The following IP6K3 variants were observed in gnomAD, a reference collection of about 807,000 sequenced individuals.
IP6K3 encodes inositol hexakisphosphate kinase 3, also known as ATP:1D-myo-inositol-hexakisphosphate phosphotransferase.
Under a neutral mutation model 28.8 loss-of-function variants are expected in IP6K3, and 20 were observed. That is an observed-to-expected ratio of 0.70 (90% CI 0.49 to 1.01). The LOEUF is 1.01. Among genes scored for constraint, IP6K3 ranks in the 50% least tolerant of loss-of-function variants. The probability of loss-of-function intolerance (pLI) is 0.00; values close to 1 mark genes in which losing one functional copy is unlikely to be tolerated. For missense variants in IP6K3, 480 were observed against 537.1 expected, an observed-to-expected ratio of 0.89 and a Z score of 1.05; for synonymous variants, 213 against 221.3, an observed-to-expected ratio of 0.96 and a Z score of 0.33.
chr6:33,753,164 T>C, the IP6K3 span, among the ~76,000 whole-genome samples: 1 of 152,168 alleles, frequency 6.6e-6, no homozygotes, highest in Non-Finnish European at 1.5e-5. Context: ...GAGATCTTCC[T>C]GCCCTGGCCT....
the IP6K3 span, among the ~76,000 whole-genome samples, chr6:33,752,214 A>G: frequency 6.6e-3 from 1,007 of 152,336 alleles, 11 homozygotes; most frequent in Non-Finnish European, 0.011. Context: ...TTGTCCCACA[A>G]ACAATCTGTG....
the IP6K3 span, among the ~76,000 whole-genome samples, chr6:33,755,593 G>A: frequency 6.6e-6 from 1 of 152,272 alleles, no homozygotes; most frequent in Non-Finnish European, 1.5e-5. Flanking sequence ...GTGGGGTCCT[G>A]TGTTTTGTGT....
the IP6K3 span, among the ~76,000 whole-genome samples, chr6:33,760,069 T>C: frequency 3.9e-5 from 6 of 152,180 alleles, no homozygotes; most frequent in Non-Finnish European, 8.8e-5. Flanking sequence ...CAGATGCCGA[T>C]GTGAAAAACT....
At chr6:33,733,043 C>T (rs1766372524) in intron 2 of IP6K3, among the ~76,000 whole-genome samples, 1 of 152,238 alleles carries the variant, frequency 6.6e-6, no homozygotes, top group Non-Finnish European at 1.5e-5. Flanking sequence ...ATTTCTGCTT[C>T]ATCAAAACTT....
At chr6:33,741,670 A>AG (rs1766727899) in intron 1 of IP6K3, among the ~76,000 whole-genome samples, 1 of 123,358 alleles carries the variant, frequency 8.1e-6, no homozygotes, top group African/African-American at 2.7e-5. Flanking sequence ...AAAAAAAAAA[A>AG]GCCGGGCACA....
rs1765963409 is a variant in IP6K3, at chr6:33,722,981, G to A, written c.972C>T (p.Ser324=). 5.0e-6 allele frequency: 8 copies of A among 1,614,076 alleles called. No individual in the cohort carries two copies. The African/African-American group carries it at 8.0e-5, about 16-fold the overall frequency. ...GCCCATCATAGATGACAAGGAGAGA[G>A]CTGGAATAGAAGCGGTATGAACTCT... The part of the protein sequence containing the change: ...RSQSSYRFYS[S]SLLVIYDGQE... The change falls in exon 6 of 6, where the codon AGC becomes AGT. Residue 324 remains serine (S), a synonymous_variant. Transcript: ENST00000293756.
chr6:33,725,684 A>T (rs1039432478), intron 4 of IP6K3, 68 bp from the exon 5 acceptor site: 1 of 1,467,522 alleles, frequency 6.8e-7, no homozygotes, highest in African/African-American at 1.4e-5. Context: ...GGTCGTTTGC[A>T]TGCCTCAGAA....
intron 4 of IP6K3, 62 bp from the exon 5 acceptor site, chr6:33,725,678 G>A (rs943528951): frequency 4.2e-5 from 63 of 1,496,486 alleles, no homozygotes; most frequent in Admixed American, 3.2e-4. Context: ...GCCAGAGGTC[G>A]TTTGCATGCC....
chr6:33,725,425 G>C lies in IP6K3; in HGVS notation c.765+16C>G. 2 of 1,599,332 alleles carry C rather than the reference G, an allele frequency of 1.3e-6. No homozygotes were observed. Among genetic ancestry groups the C allele is most frequent in the South Asian group, 2.2e-5 (2 of 90,204 alleles). ...GCCGGGATGTCCCCCCCTGTGGTGG[G>C]TCCCCTGCGACCTACCTGCATGCCG... On this transcript the variant is annotated intron_variant, in intron 5 of 5. Coordinates refer to ENST00000293756, the MANE Select transcript of IP6K3 (RefSeq NM_054111.5).
chr6:33,725,355 G>A lies in IP6K3; in HGVS notation c.765+86C>T. 4 of 1,358,876 alleles carry A rather than the reference G, an allele frequency of 2.9e-6. No homozygotes were observed. In the South Asian group the frequency reaches 4.3e-5, roughly 15 times the overall value. 84.2% of individuals were successfully genotyped at this position (1,358,876 alleles called of 1,614,324 possible). A position where few individuals can be genotyped will look rare whatever the true frequency, so the allele number is the denominator to read the frequency against. ...CCAGAGTGAAGGGCTCTGCAGGGGG[G>A]CAGTGGCATCTGGATGGGAGATATC... On this transcript the variant is annotated intron_variant, in intron 5 of 5. Transcript: ENST00000293756.
chr6:33,727,030 G>GCCCTCACCAGGCTGGGGCAC (rs1417424431), intron 3 of IP6K3, 124 bp from the exon 4 acceptor site: 2 of 1,018,282 alleles, frequency 2.0e-6, no homozygotes, highest in African/African-American at 3.3e-5. Context: ...CTCCAGGGCA[G>GCCCTCACCAGGCTGGGGCAC]CCCTCACCAG....
At chr6:33,732,293 G>A (rs989399056) in intron 2 of IP6K3, among the ~76,000 whole-genome samples, 4 of 152,194 alleles carry the variant, frequency 2.6e-5, no homozygotes, top group Non-Finnish European at 5.9e-5. Flanking sequence ...TGATGCCATC[G>A]TGGCGCAGGG....
rs1254506411 is a variant in IP6K3, at chr6:33,746,176, C to T, written c.-180+582G>A. 6.6e-6 allele frequency among the ~76,000 whole-genome samples: 1 copy of T among 152,068 alleles called. No individual in the cohort carries two copies. Among genetic ancestry groups the T allele is most frequent in the Non-Finnish European group, 1.5e-5 (1 of 68,008 alleles). ...CGTTTGGTGGAGACATGTCTCCCAC[C>T]CCCATGACCGCCATCCCGTGGTCTA... is the stretch of plus-strand genomic sequence containing the variant. On this transcript the variant is annotated intron_variant, in intron 1 of 5. Coordinates refer to ENST00000293756, the MANE Select transcript of IP6K3 (RefSeq NM_054111.5). This position sits in a 1 kb window ranked among gnomAD's most constrained non-coding sequence, Gnocchi z 6.5.
rs371107180 is a variant in IP6K3, at chr6:33,727,686, G to T, written c.413+401C>A. 3.9e-5 allele frequency among the ~76,000 whole-genome samples: 6 copies of T among 152,246 alleles called. No homozygotes were observed. The East Asian group carries it at 1.2e-3, about 29-fold the overall frequency. ...CCTCCTGGCCCCTTCCAACTGCTAG[G>T]GAAAGAGGTGATTTCTGAGAGCAAT... On this transcript the variant is annotated intron_variant, in intron 3 of 5. Transcript: ENST00000293756.
At chr6:33,727,285 A>G (rs1766154071) in intron 3 of IP6K3, among the ~76,000 whole-genome samples, 1 of 152,198 alleles carries the variant, frequency 6.6e-6, no homozygotes, top group South Asian at 2.1e-4. Context: ...CTGACAATCC[A>G]GCAGGCAGGC....
At chr6:33,747,871 C>T (rs374639872), upstream of IP6K3, among the ~76,000 whole-genome samples, 34 of 152,166 alleles carry the variant, frequency 2.2e-4, 1 homozygote, top group Admixed American at 1.2e-3. The surrounding 1 kb of genome is among the most constrained non-coding windows in gnomAD (Gnocchi z 5.2). Flanking sequence ...TGGGAGAGTC[C>T]TAGCCTGGTT....
At chr6:33,731,329 C>T (rs2127355099) in intron 2 of IP6K3, among the ~76,000 whole-genome samples, 1 of 152,302 alleles carries the variant, frequency 6.6e-6, no homozygotes, top group South Asian at 2.1e-4. Flanking sequence ...CCAGAAACCA[C>T]AGTCTTGGGA....
chr6:33,738,744 T>C (rs1766617568), intron 1 of IP6K3, among the ~76,000 whole-genome samples: 1 of 152,194 alleles, frequency 6.6e-6, no homozygotes, highest in African/African-American at 2.4e-5. Context: ...TTATATACTT[T>C]AAACTTCAGG....
At chr6:33,726,569 G>A (rs746123422) in intron 4 of IP6K3, among the ~76,000 whole-genome samples, 162 bp downstream of exon 4, 1 of 152,172 alleles carries the variant, frequency 6.6e-6, no homozygotes, top group African/African-American at 2.4e-5. Flanking sequence ...TAGGACCCGG[G>A]TTTGAGGGCT....
Sources: gnomAD v4.1 joint callset for allele counts (sites outside exome capture counted in the v4.1 genomes callset) on GRCh38, gnomAD v4.1.1 for gene constraint, Gnocchi (gnomAD v3.1) non-coding constraint, MANE v1.5 for transcripts, NCBI Gene and HGNC (gene_info 2026-07-23, HGNC 2026-07-21) for gene names.